ARPP21: variants seen among roughly 807,000 people sequenced by gnomAD.
ARPP21 encodes the protein cAMP-regulated phosphoprotein 21.
A neutral mutation model predicts 113.2 loss-of-function variants in ARPP21; 69 were observed. The ratio of observed to expected loss-of-function variants is 0.61; its 90% CI spans 0.50 to 0.74. The LOEUF (loss-of-function observed/expected upper bound fraction) is 0.74. Ranked by LOEUF, ARPP21 falls within the 30% of genes least tolerant of loss-of-function variation. The probability of loss-of-function intolerance (pLI) is 0.00; values close to 1 mark genes in which losing one functional copy is unlikely to be tolerated. For missense variants in ARPP21, 1,070 were observed against 1,037.4 expected (o/e 1.03, Z -0.43); for synonymous variants, 368 against 375.5 (o/e 0.98, Z 0.23).
intron 19 of ARPP21, among the ~76,000 whole-genome samples, chr3:35,789,550 T>C (rs2096704464): frequency 6.6e-6 from 1 of 151,438 alleles, no homozygotes. Context: ...CCCACATAAA[T>C]CTGTATTTGC....
At chr3:35,747,790 C>A (rs1001423653) in intron 19 of ARPP21, among the ~76,000 whole-genome samples, 10 of 151,738 alleles carry the variant, frequency 6.6e-5, no homozygotes, top group African/African-American at 2.4e-4. Context: ...TATAAAAATT[C>A]ATTGTGTAGA....
At chr3:35,732,931 T>C (rs975979616) in intron 15 of ARPP21, among the ~76,000 whole-genome samples, 7 of 152,322 alleles carry the variant, frequency 4.6e-5, no homozygotes, top group Middle Eastern at 3.4e-3. Flanking sequence ...TATAAATGTA[T>C]CTTTGCAAGG....
In ARPP21 at chr3:35,729,514, C is replaced by T; in HGVS notation, c.1437C>T (p.Ser479=). ...LEAATGIPPG[S]ILLNPHTGQP... ...CTGCAACAGGCATCCCGCCTGGAAGCATCCTTCTTAATCCACACACAGGTG... is the reference window on the plus strand; with the variant it reads ...CTGCAACAGGCATCCCGCCTGGAAGTATCCTTCTTAATCCACACACAGGTG... The change falls in exon 15 of 21, where the codon AGC becomes AGT. Residue 479 remains serine, a synonymous_variant. Coordinates refer to ENST00000684406, the MANE Select transcript of ARPP21 (RefSeq NM_001385562.1). 4 of 1,614,170 alleles carry T rather than the reference C, an allele frequency of 2.5e-6. No homozygotes were observed. The highest frequency in any genetic ancestry group is 3.4e-6 in the Non-Finnish European group (4 of 1,179,998).
chr3:35,667,885 A>AGAAGAAGAAGAAGAG (rs777434867), intron 1 of ARPP21, among the ~76,000 whole-genome samples: 1,518 of 97,698 alleles, frequency 0.016, 167 homozygotes, highest in Admixed American at 0.062. Flanking sequence ...AAGAAGAAGA[A>AGAAGAAGAAGAAGAG]GAAGAGGAAG....
chr3:35,751,995 A>G (rs1384065804), intron 19 of ARPP21, among the ~76,000 whole-genome samples: 2 of 152,100 alleles, frequency 1.3e-5, no homozygotes, highest in Non-Finnish European at 2.9e-5. Flanking sequence ...AGAACTGGAG[A>G]TTCTCCAACT....
intron 9 of ARPP21, among the ~76,000 whole-genome samples, chr3:35,694,134 G>A (rs1215733527): frequency 6.6e-6 from 1 of 151,534 alleles, no homozygotes; most frequent in Admixed American, 6.6e-5. Flanking sequence ...TGATAGGCAG[G>A]TTAAGTAACT....
At chr3:35,675,971 A>G (rs2077386119) in intron 1 of ARPP21, among the ~76,000 whole-genome samples, 1 of 151,860 alleles carries the variant, frequency 6.6e-6, no homozygotes, top group Non-Finnish European at 1.5e-5. Flanking sequence ...TTCCCCTCTT[A>G]TAGTATCATT....
intron 14 of ARPP21, among the ~76,000 whole-genome samples, chr3:35,724,266 G>A (rs1332801279): frequency 6.6e-6 from 1 of 152,152 alleles, no homozygotes; most frequent in Non-Finnish European, 1.5e-5. Flanking sequence ...CAGATGATGC[G>A]ATTGTATCCT....
In ARPP21 at chr3:35,640,125, G is replaced by C. The variant is rs1285898418; in HGVS notation, c.-486G>C. On this transcript the variant is annotated 5_prime_UTR_variant, in exon 1 of 21. Coordinates refer to ENST00000684406, the MANE Select transcript of ARPP21 (RefSeq NM_001385562.1). Reference sequence around the variant, plus strand: ...GGCAGCGGGGACACAAGCCGCGACCGAGCCGCCGCCGCAGCCCTGGCTGCC... The same window carrying C: ...GGCAGCGGGGACACAAGCCGCGACCCAGCCGCCGCCGCAGCCCTGGCTGCC... The C allele has an allele frequency of 6.6e-6, 1 of 152,304 alleles. No homozygotes were observed. The highest frequency in any genetic ancestry group is 6.5e-5 in the Admixed American group (1 of 15,282). 9.4% of individuals were successfully genotyped at this position (152,304 alleles called of 1,614,324 possible).
chr3:35,689,950 C>A, intron 7 of ARPP21, 131 bp from the exon 8 acceptor site: 2 of 576,490 alleles, frequency 3.5e-6, no homozygotes, highest in African/African-American at 1.9e-5. Flanking sequence ...CAGCATATTC[C>A]AAAGAAGAGT....
chr3:35,702,214 G>C (rs2086687556), intron 9 of ARPP21, among the ~76,000 whole-genome samples: 1 of 151,482 alleles, frequency 6.6e-6, no homozygotes, highest in Non-Finnish European at 1.5e-5. Flanking sequence ...ATTTATGTTT[G>C]TATTAATTGC....
intron 1 of ARPP21, among the ~76,000 whole-genome samples, chr3:35,650,761 G>A (rs555244190): frequency 8.5e-5 from 13 of 152,084 alleles, no homozygotes; most frequent in African/African-American, 2.9e-4. Context: ...AAATTAGTAT[G>A]AGCCAGTCAT....
At chr3:35,684,354 G>T (rs1159905319) in intron 5 of ARPP21, 2 of 1,030,210 alleles carry the variant, frequency 1.9e-6, no homozygotes, top group Non-Finnish European at 2.3e-6. Context: ...AATCTGAGCT[G>T]ATGGTGACTT....
chr3:35,671,423 T>A (rs1439731733), intron 1 of ARPP21, among the ~76,000 whole-genome samples: 1 of 152,190 alleles, frequency 6.6e-6, no homozygotes, highest in African/African-American at 2.4e-5. Flanking sequence ...CTTGAACACT[T>A]ACATTTTTTT....
chr3:35,695,212 T>C (rs1040528958), intron 9 of ARPP21, among the ~76,000 whole-genome samples: 1 of 151,492 alleles, frequency 6.6e-6, no homozygotes. Context: ...GATGGAAAGA[T>C]AGTTGAAGTA....
chr3:35,755,125 A>G (rs2095529243), intron 19 of ARPP21, among the ~76,000 whole-genome samples: 1 of 152,044 alleles, frequency 6.6e-6, no homozygotes, highest in African/African-American at 2.4e-5. Flanking sequence ...TTACCTGATT[A>G]TTTAACTGAA....
chr3:35,698,004 T>G (rs1451685546), intron 9 of ARPP21, among the ~76,000 whole-genome samples: 1 of 151,588 alleles, frequency 6.6e-6, no homozygotes, highest in East Asian at 1.9e-4. Flanking sequence ...CTGTCATTTC[T>G]AAACATGGTA....
intron 13 of ARPP21, among the ~76,000 whole-genome samples, chr3:35,719,327 T>C (rs2092813248): frequency 6.6e-6 from 1 of 152,222 alleles, no homozygotes; most frequent in African/African-American, 2.4e-5. Flanking sequence ...ATCTCATTAA[T>C]GCTAACTCCC....
At chr3:35,765,043 G>A (rs1273327873) in intron 19 of ARPP21, among the ~76,000 whole-genome samples, 4 of 151,934 alleles carry the variant, frequency 2.6e-5, no homozygotes, top group Non-Finnish European at 5.9e-5. Flanking sequence ...TATTGCTAAA[G>A]GACAAGGAAA....
Sources: gnomAD v4.1 joint callset for allele counts (sites outside exome capture counted in the v4.1 genomes callset) on GRCh38, gnomAD v4.1.1 for gene constraint, MANE v1.5 for transcripts, NCBI Gene and HGNC (gene_info 2026-07-23, HGNC 2026-07-21) for gene names.